ATM: variants seen among roughly 807,000 people sequenced by gnomAD.
ATM encodes serine-protein kinase ATM.
A neutral mutation model predicts 387.0 loss-of-function variants in ATM; 308 were observed. The observed-to-expected ratio is 0.80, with a 90% CI of 0.73 to 0.87. The LOEUF is 0.87. Ranked by LOEUF, ATM falls within the 40% of genes least tolerant of loss-of-function variation. The pLI is 0.00. For synonymous variants in ATM, 1,156 were observed against 1,187.3 expected (o/e 0.97, Z 0.54); for missense variants, 3,312 against 3,560.9 (o/e 0.93, Z 1.78).
At chr11:108,337,246 A>G (rs914793793) in intron 56 of ATM, among the ~76,000 whole-genome samples, 3 of 152,114 alleles carry the variant, frequency 2.0e-5, no homozygotes, top group Non-Finnish European at 1.5e-5. Flanking sequence ...GGAAAGCACA[A>G]TTTTTTCCGT....
In ATM at chr11:108,354,824, A is replaced by G. The variant is rs746351323; in HGVS notation, c.8800A>G (p.Thr2934Ala). 3.1e-6 allele frequency: 5 copies of G among 1,613,806 alleles called. No homozygotes were observed. Among genetic ancestry groups the G allele is most frequent in the Admixed American group, 1.7e-5 (1 of 60,030 alleles). ...EGVFRRCCEK[T>A]MEVMRNSQET... is the part of the protein sequence containing the mutation. ...GTTTGACTCTAGATGCTGTGAGAAA[A>G]CCATGGAAGTGATGAGAAACTCTCA... Residue 2934 changes from threonine (T) to alanine (A), a missense_variant, in exon 61 of 63, where the codon ACC (threonine) becomes GCC (alanine). This residue lies in a region of ATM where 21 missense variants were observed against 51.6 expected (regional missense o/e 0.41). Transcript: ENST00000675843.
chr11:108,247,893 C>G (rs2079935729), intron 8 of ATM, among the ~76,000 whole-genome samples: 1 of 152,128 alleles, frequency 6.6e-6, no homozygotes, highest in Non-Finnish European at 1.5e-5. Context: ...CGTGCCCAGC[C>G]CAGAACTTTT....
In ATM at chr11:108,279,476, C is replaced by T. The variant is rs770928986; in HGVS notation, c.3285-15C>T. On this transcript the variant is annotated splice_polypyrimidine_tract_variant and intron_variant, in intron 22 of 62. Transcript: ENST00000675843. ...ATTTCACTTTTTGTTTGTTTGTTTGCTTGCTTGTTTTAAGATTGTTCCAGG... is the reference window on the plus strand; with the variant it reads ...ATTTCACTTTTTGTTTGTTTGTTTGTTTGCTTGTTTTAAGATTGTTCCAGG... The T allele has an allele frequency of 1.5e-5, 23 of 1,550,332 alleles. No homozygotes were observed. Among genetic ancestry groups the T allele is most frequent in the Middle Eastern group, 3.3e-4 (2 of 5,974 alleles).
chr11:108,327,428 T>C, intron 47 of ATM: 1 of 501,142 alleles, frequency 2.0e-6, no homozygotes, highest in Non-Finnish European at 3.6e-6. Flanking sequence ...TGTGACTTGC[T>C]CCAATAATGG....
At chr11:108,286,698 T>C (rs1177464579) in intron 26 of ATM, among the ~76,000 whole-genome samples, 1 of 152,168 alleles carries the variant, frequency 6.6e-6, no homozygotes, top group Non-Finnish European at 1.5e-5. Flanking sequence ...TTCCTTTTGA[T>C]TTCGTTCTAG....
In ATM at chr11:108,368,264, T is replaced by C. The variant is rs754992709; in HGVS notation, c.*2756T>C. 2.6e-4 allele frequency: 53 copies of C among 202,892 alleles called. No homozygotes were observed. In the Middle Eastern group the frequency reaches 0.013, roughly 50 times the overall value. 12.6% of individuals were successfully genotyped at this position (202,892 alleles called of 1,614,324 possible). On this transcript the variant is annotated 3_prime_UTR_variant, in exon 63 of 63. Coordinates refer to ENST00000675843, the MANE Select transcript of ATM (RefSeq NM_000051.4). ...CAGGGTTGCCATTGTATTCCAGCCTTGGCGACAGAGCAAGACTCTGCCTCA... is the reference window on the plus strand; with the variant it reads ...CAGGGTTGCCATTGTATTCCAGCCTCGGCGACAGAGCAAGACTCTGCCTCA...
Position 108,274,024 on chromosome 11 carries a change from C to T in ATM, c.3284+1172C>T, listed in dbSNP as rs532018414. Among the ~76,000 whole-genome samples the T allele has an allele frequency of 2.0e-4, 30 of 152,228 alleles. No homozygotes were observed. In the Middle Eastern group the frequency reaches 0.017, roughly 86 times the overall value. ...TCCTGGGCTTTTTTTGGTTGGTAGG[C>T]TATTAATTACTGCCTCAATTTCAGA... On this transcript the variant is annotated intron_variant, in intron 22 of 62. Coordinates refer to ENST00000675843, the MANE Select transcript of ATM (RefSeq NM_000051.4).
chr11:108,354,727 C>G (rs2089670262), intron 60 of ATM, 84 bp from the exon 61 acceptor site: 3 of 1,187,400 alleles, frequency 2.5e-6, no homozygotes, highest in African/African-American at 3.0e-5. Flanking sequence ...GCTCAGCATA[C>G]TACACATGAG....
intron 16 of ATM, among the ~76,000 whole-genome samples, chr11:108,259,963 G>C (rs538303424): frequency 6.6e-6 from 1 of 151,024 alleles, no homozygotes; most frequent in East Asian, 1.9e-4. Flanking sequence ...TATTTATTTA[G>C]CAGTGCATGG....
intron 37 of ATM, among the ~76,000 whole-genome samples, chr11:108,305,845 C>T (rs1413714206): frequency 1.3e-5 from 2 of 152,022 alleles, no homozygotes; most frequent in Non-Finnish European, 2.9e-5. Context: ...TAAAAGGATA[C>T]AAAATTCACA....
intron 22 of ATM, among the ~76,000 whole-genome samples, chr11:108,278,112 A>G (rs618499): frequency 0.64 from 96,936 of 152,096 alleles, 31,479 homozygotes; most frequent in Middle Eastern, 0.76. Flanking sequence ...AAATGTAAGC[A>G]ATCAATAATA....
At position 108,367,240 on chromosome 11, in the gene ATM, G is replaced by A. The variant is rs2091378242; in HGVS notation, c.*1732G>A. The A allele has an allele frequency of 5.6e-6, 1 of 179,102 alleles. No homozygotes were observed. Among genetic ancestry groups the A allele is most frequent in the East Asian group, 9.3e-5 (1 of 10,758 alleles). 11.1% of individuals were successfully genotyped at this position (179,102 alleles called of 1,614,324 possible). ...TTGACCTCGTGATCCACCCTCCTCG[G>A]CCTCCCAAAGTGCTGGGATTACAGG... On this transcript the variant is annotated 3_prime_UTR_variant, in exon 63 of 63. Transcript: ENST00000675843.
Position 108,345,597 on chromosome 11 carries a change from C to G in ATM, c.8419-146C>G, listed in dbSNP as rs1334572062. On this transcript the variant is annotated intron_variant, in intron 57 of 62. Coordinates refer to ENST00000675843, the MANE Select transcript of ATM (RefSeq NM_000051.4). The stretch of plus-strand genomic sequence containing the variant: ...TTATCACTTGTAATTAATTGCTTCC[C>G]TGTCCAGACTGTTAGCTTCTTGTAG... 79 of 655,588 alleles carry G rather than the reference C, an allele frequency of 1.2e-4. 1 individual carries two copies. In the South Asian group the frequency reaches 2.0e-3, roughly 16 times the overall value. 40.6% of individuals were successfully genotyped at this position (655,588 alleles called of 1,614,324 possible).
At chr11:108,321,656 G>A (rs571350422) in intron 45 of ATM, among the ~76,000 whole-genome samples, 5 of 152,060 alleles carry the variant, frequency 3.3e-5, no homozygotes, top group South Asian at 2.1e-4. Context: ...GGTGGTGGGC[G>A]CCTGTAATCT....
At chr11:108,342,594 A>G (rs1039112023) in intron 56 of ATM, among the ~76,000 whole-genome samples, 1 of 152,214 alleles carries the variant, frequency 6.6e-6, no homozygotes, top group Non-Finnish European at 1.5e-5. Flanking sequence ...TCTCTTCCCC[A>G]GCAAATGTGA....
intron 48 of ATM, among the ~76,000 whole-genome samples, chr11:108,328,371 CA>C (rs2085902223): frequency 6.6e-6 from 1 of 152,130 alleles, no homozygotes; most frequent in Admixed American, 6.5e-5. Context: ...CTCAGCTTCC[CA>C]AGTAGCTGGG....
In ATM at chr11:108,332,031, T is replaced by A. The variant is rs905474729; in HGVS notation, c.7782T>A (p.Leu2594=). 1 of 1,613,788 alleles carries A rather than the reference T, an allele frequency of 6.2e-7. No homozygotes were observed. Among genetic ancestry groups the A allele is most frequent in the Non-Finnish European group, 8.5e-7 (1 of 1,179,840 alleles). ...ATGTGCCTAAACAAAGCTCTCAGCT[T>A]GATGAGGTATTTGGATTAAACATAC... ...TKNVPKQSSQ[L]DEDRTEAANR... The change falls in exon 52 of 63, where the codon CTT becomes CTA. Residue 2594 remains leucine (L), a synonymous_variant. Transcript: ENST00000675843.
In ATM at chr11:108,320,028, C is replaced by G. The variant is rs2136221538; in HGVS notation, c.6422C>G (p.Ser2141Cys). 1 of 1,608,832 alleles carries G rather than the reference C, an allele frequency of 6.2e-7. No individual in the cohort carries two copies. The highest frequency in any genetic ancestry group is 1.7e-4 in the Middle Eastern group (1 of 6,044). ...ALQSLRDREF[S>C]TFYESLKYAR... ...CAATCTCTAAGAGACAGAGAATTCT[C>G]TACATTTTATGAAAGTCTCAAATAT... The change falls in exon 44 of 63, where the codon TCT becomes TGT. Residue 2141 changes from serine (S) to cysteine (C), a missense_variant. Transcript: ENST00000675843.
At chr11:108,260,942 C>T (rs940475037) in intron 16 of ATM, among the ~76,000 whole-genome samples, 7 of 151,698 alleles carry the variant, frequency 4.6e-5, no homozygotes, top group Non-Finnish European at 7.4e-5. Flanking sequence ...GCTTAAAAAA[C>T]GGCGCACCAC....
Sources: allele counts gnomAD v4.1 joint callset (sites outside exome capture counted in the v4.1 genomes callset), GRCh38; gene constraint gnomAD v4.1.1; regional missense constraint gnomAD v4.1.1; transcripts MANE v1.5; gene names NCBI Gene and HGNC (gene_info 2026-07-23, HGNC 2026-07-21).